Variants in ELFN2 observed in about 807,000 individuals in gnomAD.
ELFN2 encodes protein phosphatase 1 regulatory subunit 29.
A neutral mutation model predicts 45.5 loss-of-function variants in ELFN2; 17 were observed. That is an observed-to-expected ratio of 0.37 (90% confidence interval 0.26 to 0.56). The LOEUF (loss-of-function observed/expected upper bound fraction) is 0.56, where lower values mean the gene tolerates loss of function less well. Ranked by LOEUF, ELFN2 falls within the 20% of genes least tolerant of loss-of-function variation. The pLI, the probability that ELFN2 is intolerant of heterozygous loss-of-function variation, is 0.77. For missense variants in ELFN2, 922 were observed against 1,183.2 expected (o/e 0.78, Z 3.24); for synonymous variants, 550 against 551.5 (o/e 1.00, Z 0.04).
At chr22:37,409,980 G>T (rs1242536590) in intron 2 of ELFN2, among the ~76,000 whole-genome samples, 1 of 152,140 alleles carries the variant, frequency 6.6e-6, no homozygotes, top group East Asian at 1.9e-4. Flanking sequence ...GAGAGCATGT[G>T]CCAGTTCCCC....
At chr22:37,363,229 TTCTGTTC>T (rs1426588754), downstream of ELFN2, among the ~76,000 whole-genome samples, 1 of 152,218 alleles carries the variant, frequency 6.6e-6, no homozygotes, top group Non-Finnish European at 1.5e-5. Context: ...TTACAGAGAA[TTCTGTTC>T]TCTGCAATAG....
intron 1 of ELFN2, among the ~76,000 whole-genome samples, chr22:37,360,632 A>G (rs1399683690): frequency 6.6e-6 from 1 of 152,190 alleles, no homozygotes; most frequent in Non-Finnish European, 1.5e-5. Context: ...GGAGTCGATG[A>G]TCAGCTGTCA....
chr22:37,426,377 A>C (rs1323611034), intron 1 of ELFN2, among the ~76,000 whole-genome samples: 2 of 139,238 alleles, frequency 1.4e-5, no homozygotes, highest in South Asian at 2.3e-4. Flanking sequence ...CACACACATC[A>C]GCTCCCTTCC....
At chr22:37,381,774 G>A (rs938232038) in intron 2 of ELFN2, among the ~76,000 whole-genome samples, 6 of 151,930 alleles carry the variant, frequency 3.9e-5, no homozygotes, top group Non-Finnish European at 7.4e-5. Flanking sequence ...ATGCTGTGTG[G>A]AGTGAGAGCT....
At chr22:37,405,146 G>A (rs1054640890) in intron 2 of ELFN2, among the ~76,000 whole-genome samples, 4 of 148,990 alleles carry the variant, frequency 2.7e-5, no homozygotes, top group Non-Finnish European at 5.9e-5. Flanking sequence ...AGGCTGGAGT[G>A]CAATGGCGTG....
chr22:37,376,957 T>C (rs1931599763), intron 2 of ELFN2, among the ~76,000 whole-genome samples: 1 of 152,202 alleles, frequency 6.6e-6, no homozygotes, highest in Non-Finnish European at 1.5e-5. Flanking sequence ...TCAAGGTTCC[T>C]AAGGCACTGA....
In ELFN2 at chr22:37,357,160, G is replaced by A. The variant is rs79599133; in HGVS notation, n.149-14457C>T. ...GCTGGAGCCCCAACCATTATGTCTCGTATTCCAGCCACAAGAAAAAGATAA... is the reference window on the plus strand; with the variant it reads ...GCTGGAGCCCCAACCATTATGTCTCATATTCCAGCCACAAGAAAAAGATAA... On this transcript the variant is annotated intron_variant and non_coding_transcript_variant, in intron 1 of 2. Transcript: ENST00000452946. Among the ~76,000 whole-genome samples the A allele has an allele frequency of 8.1e-3, 1,230 of 152,186 alleles. 9 individuals are homozygous for A. Among genetic ancestry groups the A allele is most frequent in the Non-Finnish European group, 0.011 (726 of 68,034 alleles).
At chr22:37,422,250 G>A (rs962704610) in intron 1 of ELFN2, among the ~76,000 whole-genome samples, 9 of 152,114 alleles carry the variant, frequency 5.9e-5, no homozygotes, top group Non-Finnish European at 1.0e-4. Flanking sequence ...AGGAATGAAC[G>A]GAGGGGGCAG....
chr22:37,382,503 A>G lies in ELFN2; in HGVS notation c.-462-6507T>C, dbSNP rs557531821. ...TGTGATCCGCCCGCCTCGGCCTCCC[A>G]AAGTACTGGGATTATAGGCGTGAGC... is the stretch of plus-strand genomic sequence containing the variant. On this transcript the variant is annotated intron_variant, in intron 2 of 2. Coordinates refer to ENST00000402918, the MANE Select transcript of ELFN2 (RefSeq NM_052906.5). Among the ~76,000 whole-genome samples the G allele has an allele frequency of 3.1e-4, 46 of 149,846 alleles. 1 individual carries two copies. The East Asian group carries it at 3.5e-3, about 12-fold the overall frequency.
At chr22:37,352,220 C>T (rs1930838811) in intron 1 of ELFN2, 1 of 151,064 alleles carries the variant, frequency 6.6e-6, no homozygotes, top group African/African-American at 2.4e-5. Flanking sequence ...TTACTTTTTA[C>T]TCTTCACCCA....
rs142158248 is a variant in ELFN2, at chr22:37,375,836, CCCTCCT to C, written c.-308_-303del. The C allele has an allele frequency of 8.6e-3, 2,981 of 345,572 alleles. 72 individuals carry two copies. The highest frequency in any genetic ancestry group is 0.056 in the African/African-American group (2,461 of 44,228). The allele number at this position is 345,572 out of a possible 1,614,324, so 21.4% of individuals were successfully genotyped here. A position where few individuals can be genotyped will look rare whatever the true frequency, so the allele number is the denominator to read the frequency against. On this transcript the variant is annotated 5_prime_UTR_variant, in exon 3 of 3. Transcript: ENST00000402918. ...GGGTTCTCAGGGCTTGACTTCCTCTCCCTCCTCCTCCTCCTCCTCCTCCTCCTCCTC... is the reference window on the plus strand; with the variant it reads ...GGGTTCTCAGGGCTTGACTTCCTCTCCCTCCTCCTCCTCCTCCTCCTCCTC...
At chr22:37,352,262 G>C (rs985224290) in intron 1 of ELFN2, 1 of 150,832 alleles carries the variant, frequency 6.6e-6, no homozygotes, top group Admixed American at 6.6e-5. Flanking sequence ...AGCAGCCTTC[G>C]TGTCCTCTAC....
chr22:37,400,920 G>A (rs1328971156), intron 2 of ELFN2, among the ~76,000 whole-genome samples: 1 of 152,260 alleles, frequency 6.6e-6, no homozygotes, highest in African/African-American at 2.4e-5. Flanking sequence ...ACGGTCACAG[G>A]TTAAGTATTT....
chr22:37,373,713 C>T lies in ELFN2; in HGVS notation c.1822G>A (p.Glu608Lys). ...CGCTGTAGTGGGTGGTGGGAGCTCT[C>T]CTTGTAGGGAGGCGAAAGGAAGCTG... ...RPSFLSPPYK[E>K]SSHHPLQRQL... Residue 608 changes from glutamate to lysine, a missense_variant, in exon 3 of 3, where the codon GAG becomes AAG. Transcript: ENST00000402918. 1 of 1,554,518 alleles carries T rather than the reference C, an allele frequency of 6.4e-7. No homozygotes were observed. Among genetic ancestry groups the T allele is most frequent in the Non-Finnish European group, 8.6e-7 (1 of 1,157,472 alleles).
chr22:37,357,847 GAC>G lies in ELFN2; in HGVS notation n.149-15146_149-15145del, dbSNP rs563824929. On this transcript the variant is annotated intron_variant and non_coding_transcript_variant, in intron 1 of 2. Transcript: ENST00000452946. ...AAGTCTGAATTTGCCCTCAATTGTT[GAC>G]AAACTCTGTACTGTCATCGACTTCC... Among the ~76,000 whole-genome samples, 26 of 152,282 alleles carry G rather than the reference GAC, an allele frequency of 1.7e-4. 1 individual carries two copies. In the South Asian group the frequency reaches 5.0e-3, roughly 29 times the overall value.
At chr22:37,425,525 A>C (rs892981075) in intron 1 of ELFN2, among the ~76,000 whole-genome samples, 6 of 151,564 alleles carry the variant, frequency 4.0e-5, no homozygotes, top group Non-Finnish European at 8.8e-5. Context: ...ACATTTACAC[A>C]CTCTGGCTGG....
intron 1 of ELFN2, among the ~76,000 whole-genome samples, chr22:37,361,345 C>T (rs1601737781): frequency 6.6e-6 from 1 of 151,992 alleles, no homozygotes. Context: ...TCCCTACCCC[C>T]TTATCCTGCC....
In ELFN2 at chr22:37,374,914, G is replaced by A; in HGVS notation, c.621C>T (p.Thr207=). 6.2e-7 allele frequency: 1 copy of A among 1,612,534 alleles called. No individual in the cohort carries two copies. ...LAWLVVFNNV[T]KNYDRLQCES... ...CACACTGCAGGCGGTCGTAGTTCTT[G>A]GTGACGTTGTTGAAGACCACCAGCC... Residue 207 remains threonine (T), a synonymous_variant, in exon 3 of 3, where the codon ACC becomes ACT. Coordinates refer to ENST00000402918, the MANE Select transcript of ELFN2 (RefSeq NM_052906.5).
At chr22:37,413,403 C>CA (rs3041591) in intron 2 of ELFN2, among the ~76,000 whole-genome samples, 55 of 137,534 alleles carry the variant, frequency 4.0e-4, no homozygotes, top group East Asian at 1.1e-3. Flanking sequence ...CCCGTCTCTA[C>CA]AAAAAAAAAA....
Sources: gnomAD v4.1 joint callset for allele counts (sites outside exome capture counted in the v4.1 genomes callset) on GRCh38, gnomAD v4.1.1 for gene constraint, MANE v1.5 for transcripts, NCBI Gene and HGNC (gene_info 2026-07-23, HGNC 2026-07-21) for gene names.